Variants in LILRB2 observed in about 807,000 individuals in gnomAD.
The protein encoded by LILRB2 is leukocyte immunoglobulin like receptor B2, also known as leukocyte immunoglobulin-like receptor subfamily B member 2.
Under a neutral mutation model 72.7 loss-of-function variants are expected in LILRB2, and 47 were observed. The ratio of observed to expected loss-of-function variants is 0.65; its 90% CI spans 0.51 to 0.82. The LOEUF is 0.82. LILRB2 is among the 40% of genes least tolerant of loss of function. The probability of loss-of-function intolerance (pLI) is 0.00; values close to 1 mark genes in which losing one functional copy is unlikely to be tolerated. For missense variants in LILRB2, 767 were observed against 764.8 expected, an observed-to-expected ratio of 1.00 and a Z score of -0.03; for synonymous variants, 279 against 313.7, an observed-to-expected ratio of 0.89 and a Z score of 1.17.
Position 54,276,011 on chromosome 19 carries a change from G to T in LILRB2, c.1595-8C>A. 3 of 1,613,964 alleles carry T rather than the reference G, an allele frequency of 1.9e-6. No individual in the cohort carries two copies. Among genetic ancestry groups the T allele is most frequent in the Non-Finnish European group, 1.7e-6 (2 of 1,179,874 alleles). ...TGTCCTTCACGGCAGCATCTGCTGG[G>T]GCAGAGCAAGGGGTTCGTCTCTTGG... is the stretch of plus-strand genomic sequence containing the variant. On this transcript the variant is annotated splice_region_variant and splice_polypyrimidine_tract_variant and intron_variant, in intron 12 of 13. Coordinates refer to ENST00000314446, the MANE Select transcript of LILRB2 (RefSeq NM_001080978.4).
Position 54,278,983 on chromosome 19 carries a change from G to T in LILRB2, c.784C>A (p.Arg262Ser). Reference sequence around the variant, plus strand: ...CGGCCAGGGAGCTGGCGAAGGTCACGTTCCCCCTCCTTGTACAGAACAAAT... The same window carrying T: ...CGGCCAGGGAGCTGGCGAAGGTCACTTTCCCCCTCCTTGTACAGAACAAAT... ...DRFVLYKEGERDLRQLPGRQP... is the reference protein window; with the variant it reads ...DRFVLYKEGESDLRQLPGRQP... The change falls in exon 6 of 14, where the codon CGT becomes AGT. Residue 262 changes from arginine to serine, a missense_variant. Arg to Ser is a moderately radical substitution (Grantham distance 110). This residue lies in a region of LILRB2 where 599 missense variants were observed against 568.2 expected (regional missense o/e 1.05). Coordinates refer to ENST00000314446, the MANE Select transcript of LILRB2 (RefSeq NM_001080978.4). 6.2e-7 allele frequency: 1 copy of T among 1,614,200 alleles called. No individual in the cohort carries two copies.
At position 54,281,045 on chromosome 19, in the gene LILRB2, C is replaced by T; in HGVS notation, c.-133G>A. Reference sequence around the variant, plus strand: ...AGGCAGACTCAGATCAGCAGAGAAGCATCTCGCCTCTGGCTGTGCTGTCCA... The same window carrying T: ...AGGCAGACTCAGATCAGCAGAGAAGTATCTCGCCTCTGGCTGTGCTGTCCA... On this transcript the variant is annotated 5_prime_UTR_variant, in exon 1 of 14. It removes an upstream start codon present in the reference 5' UTR. Transcript: ENST00000314446. The T allele has an allele frequency of 2.0e-6, 1 of 506,280 alleles. No homozygotes were observed. The highest frequency in any genetic ancestry group is 2.4e-5 in the Admixed American group (1 of 42,048). The allele number at this position is 506,280 out of a possible 1,614,324, so 31.4% of individuals were successfully genotyped here. A position where few individuals can be genotyped will look rare whatever the true frequency, so the allele number is the denominator to read the frequency against.
chr19:54,274,611 G>T lies in LILRB2; in HGVS notation c.*72C>A, dbSNP rs1284814219. On this transcript the variant is annotated 3_prime_UTR_variant, in exon 14 of 14. Coordinates refer to ENST00000314446, the MANE Select transcript of LILRB2 (RefSeq NM_001080978.4). ...TGACTGGGGTTCATTGGTGTCCACT[G>T]GGGGCAGCTCCCGTGCCTTCAGCAG... The T allele has an allele frequency of 6.2e-7, 1 of 1,609,052 alleles. No individual in the cohort carries two copies. The highest frequency in any genetic ancestry group is 1.3e-5 in the African/African-American group (1 of 74,776).
chr19:54,280,971 G>A lies in LILRB2; in HGVS notation c.-59C>T, dbSNP rs1000752244. ...TTGTGGGGTCCTTACCATGGCAGTC[G>A]TCCCTCCAGCCCTGGAGATGCTTCA... On this transcript the variant is annotated 5_prime_UTR_variant, in exon 1 of 14. The change creates a new upstream start codon in the 5' untranslated region. Transcript: ENST00000314446. The A allele has an allele frequency of 5.5e-5, 73 of 1,319,618 alleles. No homozygotes were observed. The highest frequency in any genetic ancestry group is 6.2e-5 in the Non-Finnish European group (61 of 988,448). The allele number at this position is 1,319,618 out of a possible 1,614,324, so 81.7% of individuals were successfully genotyped here. A position where few individuals can be genotyped will look rare whatever the true frequency, so the allele number is the denominator to read the frequency against.
chr19:54,277,112 C>A, intron 9 of LILRB2, 183 bp from the exon 10 acceptor site: 1 of 1,491,540 alleles, frequency 6.7e-7, no homozygotes, highest in Non-Finnish European at 9.1e-7. Context: ...GAATCGCCTG[C>A]CCCGGGCCCC....
At chr19:54,275,190 A>T (rs1345144571) in intron 13 of LILRB2, 1 of 1,356,830 alleles carries the variant, frequency 7.4e-7, no homozygotes, top group Non-Finnish European at 1.0e-6. Flanking sequence ...GGGACGCCCT[A>T]AGGCCGTGGA....
chr19:54,274,458 C>G lies in LILRB2; in HGVS notation c.*225G>C. The G allele has an allele frequency of 2.6e-6, 2 of 766,828 alleles. No homozygotes were observed. Among genetic ancestry groups the G allele is most frequent in the Non-Finnish European group, 4.0e-6 (2 of 499,378 alleles). 47.5% of individuals were successfully genotyped at this position (766,828 alleles called of 1,614,324 possible). On this transcript the variant is annotated 3_prime_UTR_variant, in exon 14 of 14. Transcript: ENST00000314446. ...TTCTGATTTTAGTTTTCTCGGTTAACTCATTGATTATTGAGAAGTCTGTTG... is the reference window on the plus strand; with the variant it reads ...TTCTGATTTTAGTTTTCTCGGTTAAGTCATTGATTATTGAGAAGTCTGTTG...
At position 54,279,539 on chromosome 19, in the gene LILRB2, A is replaced by G. The variant is rs762413044; in HGVS notation, c.464T>C (p.Leu155Pro). ...ESQVAFGGFILCKEGEDEHPQ... is the reference protein window; with the variant it reads ...ESQVAFGGFIPCKEGEDEHPQ... ...GTGTTCATCTTCTCCTTCCTTACAC[A>G]GAATGAAGCCGCCAAATGCCACCTG... Residue 155 changes from leucine to proline, a missense_variant, in exon 5 of 14, where the codon CTG becomes CCG. This residue lies in a region of LILRB2 where 599 missense variants were observed against 568.2 expected (regional missense o/e 1.05). Coordinates refer to ENST00000314446, the MANE Select transcript of LILRB2 (RefSeq NM_001080978.4). 1 of 1,613,980 alleles carries G rather than the reference A, an allele frequency of 6.2e-7. No individual in the cohort carries two copies. The highest frequency in any genetic ancestry group is 8.5e-7 in the Non-Finnish European group (1 of 1,180,012).
At position 54,274,248 on chromosome 19, in the gene LILRB2, C is replaced by T. The variant is rs1277832637; in HGVS notation, c.*435G>A. The stretch of plus-strand genomic sequence containing the variant: ...AACTCTTCTTCTTCTTATTCCCTTT[C>T]TTACACCTTCATTTGGAATAATTGG... On this transcript the variant is annotated 3_prime_UTR_variant, in exon 14 of 14. Coordinates refer to ENST00000314446, the MANE Select transcript of LILRB2 (RefSeq NM_001080978.4). 1 of 164,798 alleles carries T rather than the reference C, an allele frequency of 6.1e-6. No homozygotes were observed. Among genetic ancestry groups the T allele is most frequent in the Non-Finnish European group, 1.3e-5 (1 of 75,870 alleles). The allele number at this position is 164,798 out of a possible 1,614,324, so 10.2% of individuals were successfully genotyped here. A position where few individuals can be genotyped will look rare whatever the true frequency, so the allele number is the denominator to read the frequency against.
Position 54,276,012 on chromosome 19 carries a change from G to A in LILRB2, c.1595-9C>T, listed in dbSNP as rs371665626. 256 of 1,613,646 alleles carry A rather than the reference G, an allele frequency of 1.6e-4. 1 individual carries two copies. The highest frequency in any genetic ancestry group is 2.1e-4 in the Non-Finnish European group (249 of 1,179,790). The stretch of plus-strand genomic sequence containing the variant: ...GTCCTTCACGGCAGCATCTGCTGGG[G>A]CAGAGCAAGGGGTTCGTCTCTTGGG... On this transcript the variant is annotated splice_polypyrimidine_tract_variant and intron_variant, in intron 12 of 13. Coordinates refer to ENST00000314446, the MANE Select transcript of LILRB2 (RefSeq NM_001080978.4).
Position 54,279,076 on chromosome 19 carries a change from G to C in LILRB2, c.691C>G (p.Pro231Ala), listed in dbSNP as rs201195118. Residue 231 changes from proline to alanine, a missense_variant, in exon 6 of 14, where the codon CCG becomes GCG. Pro to Ala is a conservative substitution (Grantham distance 27, BLOSUM62 -1). Coordinates refer to ENST00000314446, the MANE Select transcript of LILRB2 (RefSeq NM_001080978.4). ...VSKKPSLSVQ[P>A]GPVMAPGESL... ...TCCCCAGGGGCCATGACAGGACCCG[G>C]CTGCACTGAGAGTGATGGCTTCTTA... 1 of 1,614,042 alleles carries C rather than the reference G, an allele frequency of 6.2e-7. No individual in the cohort carries two copies. Among genetic ancestry groups the C allele is most frequent in the Non-Finnish European group, 8.5e-7 (1 of 1,179,988 alleles).
chr19:54,276,949 G>C lies in LILRB2; in HGVS notation c.1358-20C>G. Reference sequence around the variant, plus strand: ...CCAGACCTTGAGCACGATGATGTCAGGGATGGGGGTGATGTCATTGAAATG... The same window carrying C: ...CCAGACCTTGAGCACGATGATGTCACGGATGGGGGTGATGTCATTGAAATG... On this transcript the variant is annotated intron_variant, in intron 9 of 13. Coordinates refer to ENST00000314446, the MANE Select transcript of LILRB2 (RefSeq NM_001080978.4). 1.9e-6 allele frequency: 3 copies of C among 1,609,082 alleles called. No individual in the cohort carries two copies. Among genetic ancestry groups the C allele is most frequent in the Non-Finnish European group, 2.5e-6 (3 of 1,177,376 alleles).
Position 54,279,583 on chromosome 19 carries a change from C to A in LILRB2, c.420G>T (p.Val140=). The change falls in exon 5 of 14, where the codon GTG becomes GTT. Residue 140 remains valine (V), a synonymous_variant. Coordinates refer to ENST00000314446, the MANE Select transcript of LILRB2 (RefSeq NM_001080978.4). The part of the protein sequence containing the change: ...PSPVVTSGGR[V]TLQCESQVAF... ...CCACCTGTGACTCACACTGGAGGGTCACCCTTCCTCCTGAGGTCACCACAG... is the reference window on the plus strand; with the variant it reads ...CCACCTGTGACTCACACTGGAGGGTAACCCTTCCTCCTGAGGTCACCACAG... 6.2e-7 allele frequency: 1 copy of A among 1,614,148 alleles called. No homozygotes were observed. Among genetic ancestry groups the A allele is most frequent in the Non-Finnish European group, 8.5e-7 (1 of 1,180,014 alleles).
intron 8 of LILRB2, 102 bp downstream of exon 8, chr19:54,277,787 G>A: frequency 1.5e-6 from 2 of 1,321,134 alleles, no homozygotes; most frequent in Non-Finnish European, 2.1e-6. Flanking sequence ...CTGGACAGAA[G>A]CCCTTGATTG....
chr19:54,275,351 C>T (rs1036485040), intron 13 of LILRB2: 16 of 536,570 alleles, frequency 3.0e-5, no homozygotes, highest in Non-Finnish European at 4.5e-5. Context: ...GGGGCTCGTC[C>T]ATTAGAGGAT....
At chr19:54,278,155 C>T (rs1462367038) in intron 7 of LILRB2, 105 bp downstream of exon 7, 12 of 1,479,000 alleles carry the variant, frequency 8.1e-6, no homozygotes, top group African/African-American at 1.4e-5. Context: ...ACTGGCTGAG[C>T]CCCGCTCAGA....
At position 54,277,946 on chromosome 19, in the gene LILRB2, G is replaced by A. The variant is rs757571364; in HGVS notation, c.1259-7C>T. 8.8e-5 allele frequency: 132 copies of A among 1,500,072 alleles called. No individual in the cohort carries two copies. Among genetic ancestry groups the A allele is most frequent in the Middle Eastern group, 1.7e-4 (1 of 5,730 alleles). 92.9% of individuals were successfully genotyped at this position (1,500,072 alleles called of 1,614,324 possible). A position where few individuals can be genotyped will look rare whatever the true frequency, so the allele number is the denominator to read the frequency against. Reference sequence around the variant, plus strand: ...CTGGAACCCATGGAGGGTCCTGGGTGAAAGAATGAGAGGAGGGTGAGGAGC... The same window carrying A: ...CTGGAACCCATGGAGGGTCCTGGGTAAAAGAATGAGAGGAGGGTGAGGAGC... On this transcript the variant is annotated splice_region_variant and splice_polypyrimidine_tract_variant and intron_variant, in intron 7 of 13. Coordinates refer to ENST00000314446, the MANE Select transcript of LILRB2 (RefSeq NM_001080978.4).
At chr19:54,275,372 A>C (rs1175189866) in intron 13 of LILRB2, 15 of 512,910 alleles carry the variant, frequency 2.9e-5, no homozygotes, top group Non-Finnish European at 4.8e-5. Flanking sequence ...CGTGTGCCCC[A>C]CTCTGTCCAG....
At position 54,279,542 on chromosome 19, in the gene LILRB2, A is replaced by G. The variant is rs1478154743; in HGVS notation, c.461T>C (p.Ile154Thr). The G allele has an allele frequency of 1.9e-6, 3 of 1,614,080 alleles. No homozygotes were observed. Among genetic ancestry groups the G allele is most frequent in the Non-Finnish European group, 2.5e-6 (3 of 1,180,004 alleles). Residue 154 changes from isoleucine to threonine, a missense_variant, in exon 5 of 14, where the codon ATT (isoleucine) becomes ACT (threonine). Ile to Thr is a moderately conservative substitution (Grantham distance 89). Transcript: ENST00000314446. ...CESQVAFGGF[I>T]LCKEGEDEHP... ...TTCATCTTCTCCTTCCTTACACAGA[A>G]TGAAGCCGCCAAATGCCACCTGTGA... is the stretch of plus-strand genomic sequence containing the variant.
Sources: gnomAD v4.1 joint callset for allele counts on GRCh38, gnomAD v4.1.1 for gene constraint, gnomAD v4.1.1 regional missense constraint, MANE v1.5 for transcripts, NCBI Gene and HGNC (gene_info 2026-07-23, HGNC 2026-07-21) for gene names.